RAPGEF2: variants seen among roughly 807,000 people sequenced by gnomAD.
RAPGEF2 encodes Rap guanine nucleotide exchange factor 2, also known as PDZ domain containing guanine nucleotide exchange factor (GEF) 1.
RAPGEF2 carries 54 observed loss-of-function variants against 186.7 expected under a neutral mutation model. The observed-to-expected ratio is 0.29, with a 90% confidence interval of 0.23 to 0.36. The LOEUF is 0.36. Ranked by LOEUF, RAPGEF2 falls within the 10% of genes least tolerant of loss-of-function variation. RAPGEF2 has a pLI of 1.00. For missense variants in RAPGEF2, 1,532 were observed against 2,045.0 expected, an observed-to-expected ratio of 0.75 and a Z score of 4.84; for synonymous variants, 712 against 705.9, an observed-to-expected ratio of 1.01 and a Z score of -0.14.
At chr4:159,223,364 A>G (rs1751720831) in intron 4 of RAPGEF2, among the ~76,000 whole-genome samples, 2 of 152,134 alleles carry the variant, frequency 1.3e-5, no homozygotes, top group Non-Finnish European at 2.9e-5. Flanking sequence ...TTTCAAGATA[A>G]TCTTATCTTT....
At chr4:159,170,719 A>G (rs951447536) in intron 1 of RAPGEF2, among the ~76,000 whole-genome samples, 1 of 152,008 alleles carries the variant, frequency 6.6e-6, no homozygotes, top group Non-Finnish European at 1.5e-5. Context: ...ATGTGATCCC[A>G]TTCATCTATT....
chr4:159,352,517 T>C (rs1731338668), intron 26 of RAPGEF2, 168 bp from the exon 27 acceptor site: 1 of 592,032 alleles, frequency 1.7e-6, no homozygotes, highest in Non-Finnish European at 3.0e-6. Context: ...TTCATTAGAA[T>C]AAAACATTTG....
At chr4:159,305,196 A>C (rs1449451630) in intron 8 of RAPGEF2, among the ~76,000 whole-genome samples, 3 of 152,204 alleles carry the variant, frequency 2.0e-5, no homozygotes, top group African/African-American at 7.2e-5. Flanking sequence ...GTAGATACTC[A>C]GTCATGAGAT....
intron 1 of RAPGEF2, among the ~76,000 whole-genome samples, chr4:159,131,365 C>T (rs973240645): frequency 4.6e-5 from 7 of 151,488 alleles, no homozygotes; most frequent in Admixed American, 4.6e-4. Context: ...CTATCTTGGC[C>T]TCCCAAAGTG....
chr4:159,142,085 A>G (rs760071415), intron 1 of RAPGEF2, among the ~76,000 whole-genome samples: 4 of 152,180 alleles, frequency 2.6e-5, no homozygotes, highest in Non-Finnish European at 4.4e-5. Flanking sequence ...AGGAATAGCA[A>G]TTTTATCTTT....
chr4:159,280,651 G>C (rs952757872), intron 7 of RAPGEF2, among the ~76,000 whole-genome samples: 3 of 152,208 alleles, frequency 2.0e-5, no homozygotes, highest in African/African-American at 7.2e-5. Flanking sequence ...TTGTCGTCAA[G>C]TTTGTTTATA....
At chr4:159,221,841 A>G (rs1394071637) in intron 4 of RAPGEF2, among the ~76,000 whole-genome samples, 2 of 152,228 alleles carry the variant, frequency 1.3e-5, no homozygotes, top group Admixed American at 1.3e-4. Flanking sequence ...AGAGAATTCC[A>G]AATAAGGCAA....
chr4:159,134,549 A>T (rs1741478693), intron 1 of RAPGEF2, among the ~76,000 whole-genome samples: 1 of 152,222 alleles, frequency 6.6e-6, no homozygotes, highest in South Asian at 2.1e-4. Context: ...TTGAAAAACT[A>T]ACAAACTCCT....
Position 159,263,708 on chromosome 4 carries a change from G to A in RAPGEF2, c.543+19917G>A, listed in dbSNP as rs369485361. Among the ~76,000 whole-genome samples, 183 of 152,166 alleles carry A rather than the reference G, an allele frequency of 1.2e-3. 2 individuals carry two copies. In the South Asian group the frequency reaches 0.036, roughly 30 times the overall value. ...TGAAGTTTAATTAAATGTTTGTAAA[G>A]CACATTGAGATCTATGGTTAAACAC... On this transcript the variant is annotated intron_variant, in intron 7 of 29. Transcript: ENST00000691494.
chr4:159,130,147 A>C (rs764518426), intron 1 of RAPGEF2, among the ~76,000 whole-genome samples: 10 of 152,188 alleles, frequency 6.6e-5, no homozygotes, highest in Non-Finnish European at 1.5e-4. Context: ...TGAATAATGA[A>C]CAGTGAGCAC....
chr4:159,132,361 A>G (rs1033572948), intron 1 of RAPGEF2, among the ~76,000 whole-genome samples: 8 of 152,152 alleles, frequency 5.3e-5, no homozygotes, highest in African/African-American at 1.7e-4. Context: ...TCCAGATCCT[A>G]TGGTTGTGAT....
At chr4:159,255,255 G>A (rs1756012209) in intron 7 of RAPGEF2, among the ~76,000 whole-genome samples, 1 of 152,062 alleles carries the variant, frequency 6.6e-6, no homozygotes, top group Admixed American at 6.6e-5. Flanking sequence ...TCATTCTGTC[G>A]TTATGATGTG....
chr4:159,141,657 C>T (rs1742351906), intron 1 of RAPGEF2, among the ~76,000 whole-genome samples: 1 of 151,816 alleles, frequency 6.6e-6, no homozygotes, highest in African/African-American at 2.4e-5. Flanking sequence ...AAGCCTGTAC[C>T]AGTTTATATT....
intron 10 of RAPGEF2, among the ~76,000 whole-genome samples, chr4:159,323,085 C>T (rs1192915258): frequency 6.6e-6 from 1 of 152,112 alleles, no homozygotes; most frequent in Non-Finnish European, 1.5e-5. Context: ...GTTTTTGCAT[C>T]TTAAATATTC....
At chr4:159,180,166 A>G (rs1293967822) in intron 1 of RAPGEF2, among the ~76,000 whole-genome samples, 3 of 152,206 alleles carry the variant, frequency 2.0e-5, no homozygotes, top group Non-Finnish European at 4.4e-5. Context: ...TTTGTTGTTT[A>G]TGCGATCTGT....
chr4:159,169,435 T>G (rs1331428223), intron 1 of RAPGEF2, among the ~76,000 whole-genome samples: 2 of 152,190 alleles, frequency 1.3e-5, no homozygotes, highest in Non-Finnish European at 2.9e-5. Context: ...CTCAACTTAT[T>G]TTTTGTGGTT....
chr4:159,232,099 T>A (rs1752706521), intron 4 of RAPGEF2, among the ~76,000 whole-genome samples: 1 of 152,198 alleles, frequency 6.6e-6, no homozygotes, highest in African/African-American at 2.4e-5. Flanking sequence ...TTTTCTAAGC[T>A]TTTTTTAATT....
intron 28 of RAPGEF2, 65 bp from the exon 29 acceptor site, chr4:159,355,788 A>G (rs1211100091): frequency 1.7e-5 from 23 of 1,346,546 alleles, no homozygotes; most frequent in South Asian, 7.2e-5. Flanking sequence ...AATTATTTTT[A>G]TATTTTTAAT....
rs143215503 is a variant in RAPGEF2, at chr4:159,300,688, T to C, written c.544-3654T>C. ...ATGGTGGCTACAGTCGCAAGATAAT[T>C]CACAACCTCAATTTAATCTGTAATT... On this transcript the variant is annotated intron_variant, in intron 7 of 29. Transcript: ENST00000691494. Among the ~76,000 whole-genome samples the C allele has an allele frequency of 2.3e-4, 35 of 152,328 alleles. No homozygotes were observed. The East Asian group carries it at 6.7e-3, about 29-fold the overall frequency.
Sources: allele counts gnomAD v4.1 joint callset (sites outside exome capture counted in the v4.1 genomes callset), GRCh38; gene constraint gnomAD v4.1.1; transcripts MANE v1.5; gene names NCBI Gene and HGNC (gene_info 2026-07-23, HGNC 2026-07-21).